Variants in CLIC2 observed in about 807,000 individuals in gnomAD.
The protein encoded by CLIC2 is chloride intracellular channel protein 2.
In CLIC2, 9 loss-of-function variants were observed where a neutral mutation model predicts 14.8. The ratio of observed to expected loss-of-function variants is 0.61; its 90% confidence interval spans 0.37 to 1.06. The LOEUF is 1.06. CLIC2 is among the 50% of genes least tolerant of loss of function. The pLI is 0.01. For synonymous variants in CLIC2, 61 were observed against 66.3 expected (o/e 0.92, Z 0.39); for missense variants, 148 against 181.4 (o/e 0.82, Z 1.06).
At chrX:155,300,025 C>T (rs1327630817) in intron 1 of CLIC2, among the ~76,000 whole-genome samples, 31 of 108,966 alleles carry the variant, frequency 2.8e-4, no homozygotes, top group Non-Finnish European at 5.5e-4. Flanking sequence ...TGAATAATGC[C>T]GCAATAAACA....
At chrX:155,319,675 A>C (rs943255494) in intron 1 of CLIC2, among the ~76,000 whole-genome samples, 2 of 110,209 alleles carry the variant, frequency 1.8e-5, no homozygotes, top group Admixed American at 9.6e-5. Flanking sequence ...TTTTTTTTTC[A>C]TACCCCAGTG....
In CLIC2 at chrX:155,290,418, T is replaced by G. The variant is rs1444532881; in HGVS notation, c.293+8367A>C. 3 of 484,004 alleles carry G rather than the reference T, an allele frequency of 6.2e-6. No individual in the cohort carries two copies. The African/African-American group carries it at 7.1e-5, about 12-fold the overall frequency. 39.9% of individuals were successfully genotyped at this position (484,004 alleles called of 1,213,427 possible). ...TTAGTCTTCGAATTCTTCTTTTTCC[T>G]GCATGCTGCTTGGGATGTACTTCTT... On this transcript the variant is annotated intron_variant, in intron 3 of 5. Transcript: ENST00000369449.
chrX:155,302,220 T>C (rs1557319219), intron 1 of CLIC2, among the ~76,000 whole-genome samples: 2 of 108,442 alleles, frequency 1.8e-5, no homozygotes, highest in African/African-American at 3.3e-5. Flanking sequence ...GGACTCTTTT[T>C]GGTTGGTAAG....
chrX:155,279,407 A>G, intron 4 of CLIC2, 77 bp from the exon 5 acceptor site: 1 of 734,339 alleles, frequency 1.4e-6, no homozygotes, highest in Non-Finnish European at 2.1e-6. Flanking sequence ...TGCTTTCCAC[A>G]CATTTAGACA....
At position 155,277,673 on chromosome X, in the gene CLIC2, G is replaced by A. The variant is rs781988167; in HGVS notation, c.*230C>T. ...TTGTGATGCTTTCCATGTCATTCAG[G>A]ATTGCAGTGGTTTGCCATACAGATA... On this transcript the variant is annotated 3_prime_UTR_variant, in exon 6 of 6. Transcript: ENST00000369449. 77 of 359,514 alleles carry A rather than the reference G, an allele frequency of 2.1e-4. No individual in the cohort carries two copies. The highest frequency in any genetic ancestry group is 7.4e-4 in the South Asian group (18 of 24,403). 29.6% of individuals were successfully genotyped at this position (359,514 alleles called of 1,213,427 possible). A position where few individuals can be genotyped will look rare whatever the true frequency, so the allele number is the denominator to read the frequency against.
intron 1 of CLIC2, among the ~76,000 whole-genome samples, chrX:155,312,862 A>T (rs1243579156): frequency 2.7e-5 from 3 of 111,608 alleles, no homozygotes; most frequent in Middle Eastern, 4.6e-3. Flanking sequence ...AAGAAACTTA[A>T]ACAAATTTAC....
intron 1 of CLIC2, among the ~76,000 whole-genome samples, chrX:155,333,729 TAA>T (rs5904403): frequency 2.3e-5 from 2 of 86,205 alleles, no homozygotes; most frequent in African/African-American, 4.2e-5. Flanking sequence ...GTTGACATGT[TAA>T]AAAAAAAAAA....
chrX:155,314,656 CA>C (rs1201596579), intron 1 of CLIC2, among the ~76,000 whole-genome samples: 1 of 111,738 alleles, frequency 8.9e-6, no homozygotes, highest in East Asian at 2.8e-4. Context: ...GGTAATACAA[CA>C]AAACAAGGTA....
intron 3 of CLIC2, among the ~76,000 whole-genome samples, chrX:155,286,351 G>A (rs782658070): frequency 4.5e-5 from 5 of 112,311 alleles, no homozygotes; most frequent in Admixed American, 9.4e-5. Flanking sequence ...TGGTATATAT[G>A]TACCACCTTT....
intron 3 of CLIC2, among the ~76,000 whole-genome samples, chrX:155,282,266 G>A (rs782722822): frequency 9.0e-6 from 1 of 111,487 alleles, no homozygotes; most frequent in Non-Finnish European, 1.9e-5. Flanking sequence ...CAATTGTAAC[G>A]TTGCAACATC....
chrX:155,330,223 T>A (rs2075152046), intron 1 of CLIC2, among the ~76,000 whole-genome samples: 1 of 111,759 alleles, frequency 8.9e-6, no homozygotes, highest in Non-Finnish European at 1.9e-5. Flanking sequence ...AAAAGATAAA[T>A]GCTTGAGGGG....
At chrX:155,332,581 G>A (rs1322414499) in intron 1 of CLIC2, among the ~76,000 whole-genome samples, 1 of 111,955 alleles carries the variant, frequency 8.9e-6, no homozygotes, top group Admixed American at 9.5e-5. Flanking sequence ...AACTAGCTAT[G>A]TGACCTTGGA....
chrX:155,301,211 C>T (rs1413247224), intron 1 of CLIC2, among the ~76,000 whole-genome samples: 5 of 100,745 alleles, frequency 5.0e-5, no homozygotes, highest in African/African-American at 7.1e-5. Context: ...TACCCATGAG[C>T]ATGGAATGTT....
At chrX:155,278,090 A>G in intron 5 of CLIC2, 26 bp from the exon 6 acceptor site, 1 of 1,183,113 alleles carries the variant, frequency 8.5e-7, no homozygotes, top group South Asian at 1.8e-5. Flanking sequence ...AAAAAGAGGA[A>G]AAAGAAGGCA....
intron 3 of CLIC2, among the ~76,000 whole-genome samples, chrX:155,285,646 T>A (rs1602929483): frequency 9.0e-6 from 1 of 111,252 alleles, no homozygotes; most frequent in East Asian, 2.8e-4. Context: ...ATTAGATCTG[T>A]TGCCTGGAGT....
chrX:155,329,078 C>T (rs782332784), intron 1 of CLIC2, among the ~76,000 whole-genome samples: 2 of 110,732 alleles, frequency 1.8e-5, no homozygotes, highest in Non-Finnish European at 3.8e-5. Context: ...GCCATAAATA[C>T]AGGCAAGCAA....
In CLIC2 at chrX:155,315,851, A is replaced by G. The variant is rs1293478279; in HGVS notation, c.58-16706T>C. 2.7e-5 allele frequency among the ~76,000 whole-genome samples: 3 copies of G among 111,978 alleles called. No homozygotes were observed. The East Asian group carries it at 8.4e-4, about 31-fold the overall frequency. Reference sequence around the variant, plus strand: ...ACAATGGATAAGAATTCACCAAACAAGTTTCTGCTGTCTTCAGGAGACTCA... The same window carrying G: ...ACAATGGATAAGAATTCACCAAACAGGTTTCTGCTGTCTTCAGGAGACTCA... On this transcript the variant is annotated intron_variant, in intron 1 of 5. Transcript: ENST00000369449.
chrX:155,280,011 A>G lies in CLIC2; in HGVS notation c.351T>C (p.Phe117=), dbSNP rs781981574. The G allele has an allele frequency of 1.2e-5, 15 of 1,208,904 alleles. No individual in the cohort carries two copies. Among genetic ancestry groups the G allele is most frequent in the Non-Finnish European group, 1.7e-5 (15 of 894,041 alleles). Residue 117 remains phenylalanine (F), a synonymous_variant, in exon 4 of 6, where the codon TTT becomes TTC. Transcript: ENST00000369449. ...KESFDVGCNL[F]AKFSAYIKNT... is the part of the protein sequence containing the mutation. ...TCTTAATGTATGCAGAAAACTTGGC[A>G]AAGAGGTTACAGCCCACATCAAAAG... is the stretch of plus-strand genomic sequence containing the variant.
chrX:155,280,216 T>G, intron 3 of CLIC2, 148 bp from the exon 4 acceptor site: 1 of 467,936 alleles, frequency 2.1e-6, no homozygotes, highest in Admixed American at 3.5e-5. Flanking sequence ...AAGTTTATAT[T>G]TTTTCCAATC....
Sources: gnomAD v4.1 joint callset for allele counts (sites outside exome capture counted in the v4.1 genomes callset) on GRCh38, gnomAD v4.1.1 for gene constraint, MANE v1.5 for transcripts, NCBI Gene and HGNC (gene_info 2026-07-23, HGNC 2026-07-21) for gene names.